The following CPSF4L variants were observed in gnomAD, a reference collection of about 807,000 sequenced individuals.
The protein encoded by CPSF4L is cleavage and polyadenylation specific factor 4 like.
CPSF4L carries 18 observed loss-of-function variants against 24.0 expected under a neutral mutation model. The ratio of observed to expected loss-of-function variants is 0.75; its 90% CI spans 0.52 to 1.11. The LOEUF (loss-of-function observed/expected upper bound fraction) is 1.11. Among genes scored for constraint, CPSF4L ranks in the 50% least tolerant of loss-of-function variants. The probability of loss-of-function intolerance (pLI) is 0.00; values close to 1 mark genes in which losing one functional copy is unlikely to be tolerated. For missense variants in CPSF4L, 211 were observed against 221.8 expected (o/e 0.95, Z 0.31); for synonymous variants, 72 against 77.2 (o/e 0.93, Z 0.35).
In CPSF4L at chr17:73,261,844, A is replaced by T; in HGVS notation, c.-26T>A. Reference sequence around the variant, plus strand: ...CTTCCGTCTCCTGCTGGGGCTGCGGAAGCTGCTGGAACCCAGGCAGGTGGG... The same window carrying T: ...CTTCCGTCTCCTGCTGGGGCTGCGGTAGCTGCTGGAACCCAGGCAGGTGGG... On this transcript the variant is annotated 5_prime_UTR_variant, in exon 1 of 6. Transcript: ENST00000344935. The T allele has an allele frequency of 6.5e-7, 1 of 1,530,858 alleles. No individual in the cohort carries two copies. Among genetic ancestry groups the T allele is most frequent in the Non-Finnish European group, 8.9e-7 (1 of 1,128,306 alleles). The allele number at this position is 1,530,858 out of a possible 1,614,324, so 94.8% of individuals were successfully genotyped here. A position where few individuals can be genotyped will look rare whatever the true frequency, so the allele number is the denominator to read the frequency against.
intron 1 of CPSF4L, among the ~76,000 whole-genome samples, chr17:73,261,308 A>G (rs557887683): frequency 6.6e-6 from 1 of 152,352 alleles, no homozygotes; most frequent in East Asian, 1.9e-4. Context: ...GCCACAGAAG[A>G]GAGAGACAGA....
chr17:73,242,989 G>GT, the CPSF4L span: 10 of 1,612,254 alleles, frequency 6.2e-6, no homozygotes, highest in Middle Eastern at 4.9e-4. Context: ...TGTAGCTGGA[G>GT]TTTCAGACGT....
chr17:73,251,254 A>C, intron 5 of CPSF4L: 6 of 973,558 alleles, frequency 6.2e-6, no homozygotes, highest in Non-Finnish European at 8.4e-6. Context: ...TGCCAAAAGC[A>C]TACCTTTCCA....
At chr17:73,250,392 T>C in intron 5 of CPSF4L, 10 of 1,483,274 alleles carry the variant, frequency 6.7e-6, no homozygotes, top group South Asian at 2.5e-5. Flanking sequence ...GTTAGCTACC[T>C]TTGTGAGGAA....
At chr17:73,244,703 TAAGAA>T (rs1348326041), downstream of CPSF4L, 1 of 113,096 alleles carries the variant, frequency 8.8e-6, no homozygotes, top group Non-Finnish European at 2.0e-5. Context: ...CTGGACTTCT[TAAGAA>T]AAAAAAAAAT....
At chr17:73,259,657 G>T (rs1377148440) in intron 2 of CPSF4L, among the ~76,000 whole-genome samples, 1 of 152,166 alleles carries the variant, frequency 6.6e-6, no homozygotes, top group Non-Finnish European at 1.5e-5. Flanking sequence ...GAGCCTGCAG[G>T]GTCCTGGGTG....
chr17:73,250,646 C>A (rs1446960966), intron 5 of CPSF4L, among the ~76,000 whole-genome samples: 1 of 152,060 alleles, frequency 6.6e-6, no homozygotes, highest in African/African-American at 2.4e-5. Context: ...TCTGATAAAC[C>A]AGAAGATACC....
chr17:73,245,718 G>A (rs1040309630), downstream of CPSF4L: 27 of 985,236 alleles, frequency 2.7e-5, no homozygotes, highest in Middle Eastern at 5.2e-4. Flanking sequence ...ATGGGCATTC[G>A]AGTTGCAGGT....
chr17:73,247,579 T>G (rs146345655), downstream of CPSF4L: 152 of 450,766 alleles, frequency 3.4e-4, 1 homozygote, highest in African/African-American at 2.7e-3. Flanking sequence ...AGTAAATATT[T>G]TATATCCCTG....
downstream of CPSF4L, chr17:73,245,495 A>G (rs565246310): frequency 4.1e-6 from 4 of 985,398 alleles, no homozygotes; most frequent in African/African-American, 7.0e-5. Flanking sequence ...GAAGATGACA[A>G]AGTTCATCAC....
downstream of CPSF4L, chr17:73,245,112 AAC>A (rs2061929222): frequency 1.3e-6 from 2 of 1,533,704 alleles, no homozygotes; most frequent in Non-Finnish European, 1.8e-6. Context: ...AAAAGATAGT[AAC>A]AGTCATTGGA....
Position 73,261,867 on chromosome 17 carries a change from G to A in CPSF4L, c.-49C>T. 1 of 1,408,666 alleles carries A rather than the reference G, an allele frequency of 7.1e-7. No homozygotes were observed. The highest frequency in any genetic ancestry group is 1.4e-5 in the African/African-American group (1 of 70,382). 87.3% of individuals were successfully genotyped at this position (1,408,666 alleles called of 1,614,324 possible). A position where few individuals can be genotyped will look rare whatever the true frequency, so the allele number is the denominator to read the frequency against. On this transcript the variant is annotated 5_prime_UTR_variant, in exon 1 of 6. Transcript: ENST00000344935. ...GGAAGCTGCTGGAACCCAGGCAGGTGGGCCCAATATAGCTCATCAGAGGCC... is the reference window on the plus strand; with the variant it reads ...GGAAGCTGCTGGAACCCAGGCAGGTAGGCCCAATATAGCTCATCAGAGGCC...
In CPSF4L at chr17:73,261,746, T is replaced by C; in HGVS notation, c.73A>G (p.Thr25Ala). The change falls in exon 1 of 6, where the codon ACT becomes GCT. Residue 25 changes from threonine (T) to alanine (A), a missense_variant. Thr to Ala is a moderately conservative substitution (Grantham distance 58, BLOSUM62 0). Coordinates refer to ENST00000344935, the MANE Select transcript of CPSF4L (RefSeq NM_001129885.1). ...FEKDVEMQKGTGLLPFQGMDK... is the reference protein window; with the variant it reads ...FEKDVEMQKGAGLLPFQGMDK... ...ATGCCCTGGAAAGGCAGGAGCCCAG[T>C]GCCCTTCTGCATCTCGACATCCTTC... The C allele has an allele frequency of 6.4e-7, 1 of 1,551,624 alleles. No individual in the cohort carries two copies. Among genetic ancestry groups the C allele is most frequent in the Middle Eastern group, 1.7e-4 (1 of 5,990 alleles).
chr17:73,254,165 G>A lies in CPSF4L; in HGVS notation c.308-139C>T, dbSNP rs138120513. On this transcript the variant is annotated intron_variant, in intron 3 of 5. Coordinates refer to ENST00000344935, the MANE Select transcript of CPSF4L (RefSeq NM_001129885.1). ...GGGAGTCACCAGCTTTTTGAAGATG[G>A]AAAGTATGCCTAATCCTTGCTGCAG... 4.6e-4 allele frequency: 307 copies of A among 664,990 alleles called. No homozygotes were observed. In the East Asian group the frequency reaches 8.1e-3, roughly 18 times the overall value. The allele number at this position is 664,990 out of a possible 1,614,324, so 41.2% of individuals were successfully genotyped here.
Position 73,261,652 on chromosome 17 carries a change from C to T in CPSF4L, c.103+64G>A, listed in dbSNP as rs2062046746. ...CTCCAGCCTGGGCTACAGAGCGAGACTCCGTCTCAAAGAAAAAAAAACAGA... is the reference window on the plus strand; with the variant it reads ...CTCCAGCCTGGGCTACAGAGCGAGATTCCGTCTCAAAGAAAAAAAAACAGA... On this transcript the variant is annotated intron_variant, in intron 1 of 5. Transcript: ENST00000344935. 48 of 1,145,614 alleles carry T rather than the reference C, an allele frequency of 4.2e-5. 3 individuals are homozygous for T. The South Asian group carries it at 5.8e-4, about 14-fold the overall frequency. 71.0% of individuals were successfully genotyped at this position (1,145,614 alleles called of 1,614,324 possible).
At chr17:73,252,856 T>A (rs528053609) in intron 4 of CPSF4L, 133 bp from the exon 5 acceptor site, 1 of 609,838 alleles carries the variant, frequency 1.6e-6, no homozygotes, top group African/African-American at 1.9e-5. Context: ...AATCTTCCCA[T>A]CCTTTCTGTA....
downstream of CPSF4L, chr17:73,247,365 C>A (rs773002426): frequency 2.7e-5 from 43 of 1,611,418 alleles, no homozygotes; most frequent in Middle Eastern, 3.3e-4. Flanking sequence ...GTAGGAGAAG[C>A]CTTCGTGACT....
chr17:73,245,355 G>T, downstream of CPSF4L: 1 of 1,364,472 alleles, frequency 7.3e-7, no homozygotes. Flanking sequence ...AATGATACAG[G>T]AAGTAAACGT....
chr17:73,254,523 G>A (rs1193345146), intron 3 of CPSF4L, among the ~76,000 whole-genome samples: 1 of 152,214 alleles, frequency 6.6e-6, no homozygotes, highest in Non-Finnish European at 1.5e-5. Context: ...ATTCTACAGA[G>A]TGGGCACCTG....
Sources: gnomAD v4.1 joint callset for allele counts (sites outside exome capture counted in the v4.1 genomes callset) on GRCh38, gnomAD v4.1.1 for gene constraint, MANE v1.5 for transcripts, NCBI Gene and HGNC (gene_info 2026-07-23, HGNC 2026-07-21) for gene names.